The following ZNF90 variants were observed in gnomAD, a reference collection of about 807,000 sequenced individuals.
ZNF90 encodes the protein zinc finger protein HTF9.
A neutral mutation model predicts 12.0 loss-of-function variants in ZNF90; 11 were observed. The ratio of observed to expected loss-of-function variants is 0.92; its 90% CI spans 0.58 to 1.52. The LOEUF is 1.52. Among genes scored for constraint, ZNF90 ranks in the 40% most tolerant of loss-of-function variants. The pLI, the probability that ZNF90 is intolerant of heterozygous loss-of-function variation, is 0.00. For synonymous variants in ZNF90, 232 were observed against 240.1 expected (o/e 0.97, Z 0.31); for missense variants, 765 against 711.5 (o/e 1.08, Z -0.86).
intron 1 of ZNF90, among the ~76,000 whole-genome samples, chr19:20,081,925 CG>C (rs1386139612): frequency 6.6e-6 from 1 of 151,900 alleles, no homozygotes; most frequent in Non-Finnish European, 1.5e-5. Context: ...CCACTACCCC[CG>C]GCTAATTTTT....
chr19:20,097,949 A>G (rs1367278115), intron 1 of ZNF90, among the ~76,000 whole-genome samples: 4 of 152,248 alleles, frequency 2.6e-5, no homozygotes, highest in Non-Finnish European at 1.5e-5. Context: ...ACTTTGTGTC[A>G]GCCCACTCTG....
intron 1 of ZNF90, among the ~76,000 whole-genome samples, chr19:20,094,010 A>T (rs1240817963): frequency 1.3e-5 from 2 of 152,190 alleles, no homozygotes; most frequent in African/African-American, 2.4e-5. Flanking sequence ...CCCTGCACAG[A>T]TGGGACATGG....
intron 3 of ZNF90, among the ~76,000 whole-genome samples, chr19:20,107,885 A>T (rs1326250052): frequency 6.6e-6 from 1 of 152,200 alleles, no homozygotes; most frequent in East Asian, 1.9e-4. Context: ...TTACTTATAA[A>T]TCGAAGCTTT....
In ZNF90 at chr19:20,117,989, T is replaced by C. The variant is rs2089155328; in HGVS notation, c.435T>C (p.Phe145=). Residue 145 remains phenylalanine (F), a synonymous_variant, in exon 4 of 4, where the codon TTT becomes TTC. Coordinates refer to ENST00000418063, the MANE Select transcript of ZNF90 (RefSeq NM_007138.2). ...QCLTATQSKV[F]QCDTYVKVSH... is the part of the protein sequence containing the mutation. ...TGACAGCTACCCAGAGCAAAGTATTTCAATGTGATACATATGTGAAAGTCT... is the reference window on the plus strand; with the variant it reads ...TGACAGCTACCCAGAGCAAAGTATTCCAATGTGATACATATGTGAAAGTCT... 2 of 1,613,366 alleles carry C rather than the reference T, an allele frequency of 1.2e-6. No homozygotes were observed. The highest frequency in any genetic ancestry group is 1.7e-6 in the Non-Finnish European group (2 of 1,179,648).
chr19:20,118,211 TA>T lies in ZNF90; in HGVS notation c.659del (p.Lys220ArgfsTer19), dbSNP rs1555705962. ...ACAGGTCCTCACACCTTACTTCACA[TA>T]AGAGAATTCATACTGGAGAGAAACG... ...FNRSSHLTSH[K>X]RIHTGEKRYK... On this transcript the variant is annotated frameshift_variant, in exon 4 of 4. Coordinates refer to ENST00000418063, the MANE Select transcript of ZNF90 (RefSeq NM_007138.2). LOFTEE classifies it low-confidence loss of function (END_TRUNC). The T allele has an allele frequency of 3.7e-6, 6 of 1,609,794 alleles. No homozygotes were observed. In the South Asian group the frequency reaches 6.6e-5, roughly 18 times the overall value.
At position 20,118,979 on chromosome 19, in the gene ZNF90, T is replaced by C. The variant is rs782188647; in HGVS notation, c.1425T>C (p.His475=). 7 of 1,610,020 alleles carry C rather than the reference T, an allele frequency of 4.3e-6. No homozygotes were observed. In the African/African-American group the frequency reaches 5.4e-5, roughly 12 times the overall value. The stretch of plus-strand genomic sequence containing the variant: ...ACCTTACTACACATAAGATAAGTCA[T>C]ACTGAAGAGAAACTCTACAAATGTC... ...SSNLTTHKIS[H]TEEKLYKCQE... is the part of the protein sequence containing the mutation. Residue 475 remains histidine (H), a synonymous_variant, in exon 4 of 4, where the codon CAT becomes CAC. Coordinates refer to ENST00000418063, the MANE Select transcript of ZNF90 (RefSeq NM_007138.2).
intron 3 of ZNF90, among the ~76,000 whole-genome samples, chr19:20,108,731 C>CTTTTTTTTTT (rs10626180): frequency 2.5e-5 from 3 of 119,942 alleles, no homozygotes; most frequent in Non-Finnish European, 4.9e-5. Flanking sequence ...GTAGGTTTCT[C>CTTTTTTTTTT]TTTTTTTTTT....
chr19:20,117,965 G>A lies in ZNF90; in HGVS notation c.411G>A (p.Leu137=), dbSNP rs571397723. The A allele has an allele frequency of 1.2e-5, 19 of 1,613,444 alleles. No individual in the cohort carries two copies. In the Admixed American group the frequency reaches 1.8e-4, roughly 16 times the overall value. The change falls in exon 4 of 4, where the codon TTG becomes TTA. Residue 137 remains leucine, a synonymous_variant. Transcript: ENST00000418063. ...KRGYNGLNQC[L]TATQSKVFQC... ...GTTATAATGGACTTAACCAATGTTT[G>A]ACAGCTACCCAGAGCAAAGTATTTC... is the stretch of plus-strand genomic sequence containing the variant.
chr19:20,101,607 A>G (rs2088990550), intron 1 of ZNF90, among the ~76,000 whole-genome samples: 2 of 152,184 alleles, frequency 1.3e-5, no homozygotes, highest in Admixed American at 1.3e-4. Flanking sequence ...AAGGACATAA[A>G]TGGGTGGACT....
chr19:20,079,309 T>A (rs866256620), intron 1 of ZNF90, among the ~76,000 whole-genome samples: 1 of 142,564 alleles, frequency 7.0e-6, no homozygotes, highest in African/African-American at 2.8e-5. Context: ...AAGGAGGGTT[T>A]TTTTTTTTTT....
chr19:20,115,531 C>T (rs782621519), intron 3 of ZNF90, among the ~76,000 whole-genome samples: 2 of 150,060 alleles, frequency 1.3e-5, no homozygotes, highest in Non-Finnish European at 3.0e-5. Context: ...TCTAAAAGAT[C>T]CAACAATATA....
At position 20,119,411 on chromosome 19, in the gene ZNF90, C is replaced by T. The variant is rs536861777; in HGVS notation, c.*51C>T. The T allele has an allele frequency of 1.3e-6, 2 of 1,485,746 alleles. No homozygotes were observed. The highest frequency in any genetic ancestry group is 2.6e-5 in the South Asian group (2 of 75,982). 92.0% of individuals were successfully genotyped at this position (1,485,746 alleles called of 1,614,324 possible). ...TAAGATAATTCATACTGGAGAGAAA[C>T]CGTATAAATGTGATGACTGTTGGAA... On this transcript the variant is annotated 3_prime_UTR_variant, in exon 4 of 4. Transcript: ENST00000418063.
intron 3 of ZNF90, among the ~76,000 whole-genome samples, chr19:20,106,539 C>T (rs113619032): frequency 0.016 from 2,502 of 152,282 alleles, 41 homozygotes; most frequent in South Asian, 0.062. Context: ...TTGCAAGCTC[C>T]GCCTCCCAGG....
intron 1 of ZNF90, 109 bp downstream of exon 1, chr19:20,078,244 G>C (rs1186899744): frequency 7.0e-7 from 1 of 1,427,856 alleles, no homozygotes; most frequent in African/African-American, 1.4e-5. Flanking sequence ...CACAATCTGC[G>C]ACCGACTTCT....
intron 1 of ZNF90, among the ~76,000 whole-genome samples, chr19:20,093,831 C>T (rs1395396588): frequency 6.6e-5 from 10 of 152,118 alleles, no homozygotes; most frequent in South Asian, 2.1e-4. Context: ...ACCCAAAGCT[C>T]GGCGTCCATG....
chr19:20,113,067 T>C (rs562239223), intron 3 of ZNF90, among the ~76,000 whole-genome samples: 21 of 152,240 alleles, frequency 1.4e-4, no homozygotes, highest in Non-Finnish European at 7.3e-5. Context: ...GAATAAGCCA[T>C]ATGTCTATTA....
At chr19:20,116,633 T>G (rs539851009) in intron 3 of ZNF90, among the ~76,000 whole-genome samples, 3 of 152,346 alleles carry the variant, frequency 2.0e-5, no homozygotes, top group East Asian at 3.9e-4. Flanking sequence ...TTTTATAATA[T>G]AGCTTTGTCC....
chr19:20,100,489 G>A (rs188901652), intron 1 of ZNF90, among the ~76,000 whole-genome samples: 1 of 152,266 alleles, frequency 6.6e-6, no homozygotes, highest in East Asian at 1.9e-4. Flanking sequence ...TGGAGCCTCA[G>A]GTGCAGTCCA....
chr19:20,104,928 A>C (rs1043045039), intron 2 of ZNF90, among the ~76,000 whole-genome samples: 1 of 152,206 alleles, frequency 6.6e-6, no homozygotes, highest in African/African-American at 2.4e-5. Context: ...TGAAAGGCAG[A>C]TATTTCACTG....
Sources: allele counts gnomAD v4.1 joint callset (sites outside exome capture counted in the v4.1 genomes callset), GRCh38; gene constraint gnomAD v4.1.1; transcripts MANE v1.5; gene names NCBI Gene and HGNC (gene_info 2026-07-23, HGNC 2026-07-21).